The following RIGI variants were observed in gnomAD, a reference collection of about 807,000 sequenced individuals.
The protein encoded by RIGI is antiviral innate immune response receptor RIG-I.
chr9:32,524,752 A>G, the RIGI span, among the ~76,000 whole-genome samples: 1 of 151,520 alleles, frequency 6.6e-6, no homozygotes, highest in African/African-American at 2.4e-5. Flanking sequence ...ACAGGAGTGC[A>G]CCACTACGCC....
the RIGI span, chr9:32,457,510 A>C: frequency 9.4e-7 from 1 of 1,066,396 alleles, no homozygotes; most frequent in Non-Finnish European, 1.3e-6. Context: ...AAACCCCACA[A>C]TAATCTGAGG....
At chr9:32,460,964 TA>T in the RIGI span, among the ~76,000 whole-genome samples, 3 of 150,534 alleles carry the variant, frequency 2.0e-5, no homozygotes, top group African/African-American at 7.3e-5. Context: ...CCAAACAGGA[TA>T]AACCCCTTCA....
chr9:32,491,320 C>T, the RIGI span: 1 of 1,613,236 alleles, frequency 6.2e-7, no homozygotes, highest in South Asian at 1.1e-5. Flanking sequence ...GACATGAATT[C>T]TCACTAAGAT....
chr9:32,515,845 T>A, the RIGI span, among the ~76,000 whole-genome samples: 31 of 152,316 alleles, frequency 2.0e-4, no homozygotes, highest in African/African-American at 7.5e-4. Flanking sequence ...ATCCACCACA[T>A]CATTCTCCCT....
chr9:32,477,094 G>A, the RIGI span: 2 of 1,613,998 alleles, frequency 1.2e-6, no homozygotes, highest in Admixed American at 1.7e-5. Context: ...TCTCATTGCT[G>A]GGATCCCTGG....
the RIGI span, chr9:32,485,694 C>A: frequency 5.6e-6 from 2 of 359,732 alleles, no homozygotes; most frequent in Non-Finnish European, 1.1e-5. Flanking sequence ...GCGCACACCA[C>A]CATGCCCAGC....
the RIGI span, among the ~76,000 whole-genome samples, chr9:32,486,557 C>A: frequency 6.9e-6 from 1 of 144,438 alleles, no homozygotes. Flanking sequence ...AGAATAAATA[C>A]AGGAAGAAGA....
At chr9:32,487,136 G>T in the RIGI span, among the ~76,000 whole-genome samples, 1 of 152,208 alleles carries the variant, frequency 6.6e-6, no homozygotes, top group Non-Finnish European at 1.5e-5. Context: ...CAGGCACAGA[G>T]CATGGGAAAA....
the RIGI span, chr9:32,487,885 GA>G: frequency 7.6e-6 from 12 of 1,575,430 alleles, no homozygotes; most frequent in Non-Finnish European, 9.5e-6. Context: ...ATAAGAGTAA[GA>G]AAATAGGAGT....
chr9:32,519,648 G>A, the RIGI span, among the ~76,000 whole-genome samples: 1 of 152,078 alleles, frequency 6.6e-6, no homozygotes, highest in Non-Finnish European at 1.5e-5. Flanking sequence ...CCTTTAATGA[G>A]GCAAAACTGC....
the RIGI span, among the ~76,000 whole-genome samples, chr9:32,469,787 G>C: frequency 2.6e-5 from 4 of 152,198 alleles, no homozygotes; most frequent in African/African-American, 4.8e-5. Flanking sequence ...ACCCAAAATG[G>C]TGGCTCAAAC....
the RIGI span, chr9:32,492,507 G>A: frequency 3.2e-5 from 51 of 1,613,992 alleles, no homozygotes; most frequent in Non-Finnish European, 4.2e-5. Context: ...CAATTTCTCT[G>A]CACCTGCCAT....
chr9:32,476,586 A>C, the RIGI span, among the ~76,000 whole-genome samples: 1 of 152,040 alleles, frequency 6.6e-6, no homozygotes, highest in African/African-American at 2.4e-5. Context: ...CAGAATAGAG[A>C]AACTCAGAAC....
the RIGI span, among the ~76,000 whole-genome samples, chr9:32,491,907 T>C: frequency 6.6e-6 from 1 of 152,068 alleles, no homozygotes; most frequent in Non-Finnish European, 1.5e-5. Context: ...CAATGCTGAG[T>C]GTCAGCTTCA....
the RIGI span, among the ~76,000 whole-genome samples, chr9:32,491,039 A>G: frequency 6.6e-6 from 1 of 152,182 alleles, no homozygotes; most frequent in Non-Finnish European, 1.5e-5. Flanking sequence ...TGCATTTCCA[A>G]TATAGACACG....
the RIGI span, among the ~76,000 whole-genome samples, chr9:32,457,802 G>C: frequency 6.6e-6 from 1 of 152,210 alleles, no homozygotes; most frequent in Non-Finnish European, 1.5e-5. Context: ...AAAGGATACA[G>C]GGAAAACGAC....
the RIGI span, chr9:32,487,509 A>G: frequency 2.3e-5 from 37 of 1,614,196 alleles, 1 homozygote; most frequent in South Asian, 4.0e-4. Flanking sequence ...CAGTTCCTCC[A>G]GATTGTGTTT....
At chr9:32,459,045 C>G in the RIGI span, among the ~76,000 whole-genome samples, 1 of 152,062 alleles carries the variant, frequency 6.6e-6, no homozygotes, top group Non-Finnish European at 1.5e-5. Flanking sequence ...CCTGCCACTA[C>G]GCCCAGCTAA....
the RIGI span, among the ~76,000 whole-genome samples, chr9:32,490,156 T>C: frequency 6.6e-6 from 1 of 152,138 alleles, no homozygotes; most frequent in Non-Finnish European, 1.5e-5. Flanking sequence ...GATGGATCAC[T>C]TGAGGTCAGG....
Sources: allele counts gnomAD v4.1 joint callset (sites outside exome capture counted in the v4.1 genomes callset), GRCh38; gene constraint gnomAD v4.1.1; transcripts MANE v1.5; gene names NCBI Gene and HGNC (gene_info 2026-07-23, HGNC 2026-07-21).